DIAPH2: variants seen among roughly 807,000 people sequenced by gnomAD.
DIAPH2 encodes the protein protein diaphanous homolog 2.
Under a neutral mutation model 92.7 loss-of-function variants are expected in DIAPH2, and 35 were observed. That is an observed-to-expected ratio of 0.38 (90% CI 0.29 to 0.50). DIAPH2 has a LOEUF of 0.50. Among genes scored for constraint, DIAPH2 ranks in the 20% least tolerant of loss-of-function variants. The pLI is 0.94. For missense variants in DIAPH2, 701 were observed against 819.5 expected (o/e 0.86, Z 1.77); for synonymous variants, 301 against 280.4 (o/e 1.07, Z -0.73).
At chrX:96,831,951 T>C (rs2064857622) in intron 4 of DIAPH2, among the ~76,000 whole-genome samples, 1 of 111,463 alleles carries the variant, frequency 9.0e-6, no homozygotes, top group Non-Finnish European at 1.9e-5. Flanking sequence ...ACTTATCACA[T>C]TGCATTGGCC....
chrX:96,745,116 C>T (rs1472405844), intron 3 of DIAPH2, among the ~76,000 whole-genome samples: 2 of 108,967 alleles, frequency 1.8e-5, no homozygotes, highest in African/African-American at 3.4e-5. Context: ...AAGCGATTCT[C>T]CTGTCTCAGC....
At chrX:96,871,434 T>C (rs1484487367) in intron 4 of DIAPH2, among the ~76,000 whole-genome samples, 1 of 84,666 alleles carries the variant, frequency 1.2e-5, no homozygotes, top group African/African-American at 5.0e-5. Flanking sequence ...CGCGCCACCG[T>C]ACTCCAGCCT....
Position 97,028,756 on chromosome X carries a change from T to C in DIAPH2, c.2051-44185T>C, listed in dbSNP as rs757890176. Among the ~76,000 whole-genome samples the C allele has an allele frequency of 5.3e-5, 6 of 112,296 alleles. No homozygotes were observed. In the South Asian group the frequency reaches 2.2e-3, roughly 42 times the overall value. On this transcript the variant is annotated intron_variant, in intron 17 of 26. Coordinates refer to ENST00000324765, the MANE Select transcript of DIAPH2 (RefSeq NM_006729.5). The stretch of plus-strand genomic sequence containing the variant: ...TTTTGGCTATTGCAAATAGTGCTGC[T>C]ATTAGTGTTCCTGTACAAGTACTTG...
chrX:97,142,781 G>A (rs2067216964), intron 22 of DIAPH2, among the ~76,000 whole-genome samples: 1 of 111,807 alleles, frequency 8.9e-6, no homozygotes, highest in Non-Finnish European at 1.9e-5. Flanking sequence ...TCTTATACTT[G>A]AAATTACGCT....
chrX:97,282,413 G>A (rs1353814532), intron 23 of DIAPH2, among the ~76,000 whole-genome samples: 2 of 111,598 alleles, frequency 1.8e-5, no homozygotes, highest in Non-Finnish European at 3.8e-5. Flanking sequence ...AGGTTCAAGC[G>A]ATTCTCCTGC....
chrX:96,747,148 GGGGAGAGGGGTGTT>G (rs775828106), intron 3 of DIAPH2, among the ~76,000 whole-genome samples: 9 of 111,090 alleles, frequency 8.1e-5, no homozygotes, highest in Non-Finnish European at 1.7e-4. Context: ...AGTTCTTTTT[GGGGAGAGGGGTGTT>G]GGGAGAGGGG....
chrX:96,690,832 T>G (rs2063794754), intron 1 of DIAPH2, among the ~76,000 whole-genome samples: 1 of 112,349 alleles, frequency 8.9e-6, no homozygotes, highest in Non-Finnish European at 1.9e-5. Context: ...GGCAGCTTAC[T>G]GCCTTTGTAC....
At chrX:96,935,078 G>A (rs2065648413) in intron 10 of DIAPH2, among the ~76,000 whole-genome samples, 1 of 111,398 alleles carries the variant, frequency 9.0e-6, no homozygotes, top group Non-Finnish European at 1.9e-5. Flanking sequence ...AATAATTTTA[G>A]ATCTATACCG....
At chrX:97,563,398 A>C (rs1368944269) in intron 26 of DIAPH2, among the ~76,000 whole-genome samples, 2 of 96,366 alleles carry the variant, frequency 2.1e-5, no homozygotes, top group African/African-American at 7.5e-5. Flanking sequence ...ACTTTTCATC[A>C]TCACTGTGAG....
intron 4 of DIAPH2, among the ~76,000 whole-genome samples, chrX:96,841,790 T>C (rs1602557038): frequency 8.9e-6 from 1 of 112,358 alleles, no homozygotes; most frequent in African/African-American, 3.2e-5. Flanking sequence ...AAACAGACTT[T>C]GTGTGAGCAA....
At chrX:97,255,109 T>C (rs1210708838) in intron 23 of DIAPH2, among the ~76,000 whole-genome samples, 1 of 111,815 alleles carries the variant, frequency 8.9e-6, no homozygotes, top group East Asian at 2.8e-4. Flanking sequence ...AATTCCAATT[T>C]TGGTCTTTCC....
At position 97,417,794 on chromosome X, in the gene DIAPH2, C is replaced by T. The variant is rs759278312; in HGVS notation, c.3146-11856C>T. 2.1e-3 allele frequency among the ~76,000 whole-genome samples: 239 copies of T among 111,269 alleles called. 1 individual carries two copies. The highest frequency in any genetic ancestry group is 7.3e-3 in the African/African-American group (223 of 30,699). On this transcript the variant is annotated intron_variant, in intron 25 of 26. Coordinates refer to ENST00000324765, the MANE Select transcript of DIAPH2 (RefSeq NM_006729.5). ...ACACTCCAAGACCCTGCCCCTCTGCCCCTGCCCCAGTGGATGCCTGGACCC... is the reference window on the plus strand; with the variant it reads ...ACACTCCAAGACCCTGCCCCTCTGCTCCTGCCCCAGTGGATGCCTGGACCC...
At chrX:97,416,613 A>G (rs1052952823) in intron 25 of DIAPH2, among the ~76,000 whole-genome samples, 2 of 111,952 alleles carry the variant, frequency 1.8e-5, no homozygotes, top group African/African-American at 3.2e-5. Context: ...GGACACCAAG[A>G]TACTAAAGTC....
intron 26 of DIAPH2, among the ~76,000 whole-genome samples, chrX:97,532,066 G>A (rs1007074111): frequency 1.8e-5 from 2 of 112,582 alleles, no homozygotes; most frequent in East Asian, 2.8e-4. Context: ...GAGCTTCCAC[G>A]ATGATTAGAT....
chrX:96,715,620 A>G (rs1319409376), intron 1 of DIAPH2, among the ~76,000 whole-genome samples: 1 of 111,511 alleles, frequency 9.0e-6, no homozygotes, highest in Non-Finnish European at 1.9e-5. Context: ...GAAGTGGGGC[A>G]CATGCAAGAT....
chrX:96,848,860 G>T (rs769379432), intron 4 of DIAPH2, among the ~76,000 whole-genome samples: 1 of 112,153 alleles, frequency 8.9e-6, no homozygotes, highest in African/African-American at 3.2e-5. Flanking sequence ...GCACAAGCCT[G>T]TTGGCAGAGA....
chrX:97,313,878 G>T (rs1011390994), intron 23 of DIAPH2, among the ~76,000 whole-genome samples: 2 of 109,820 alleles, frequency 1.8e-5, no homozygotes, highest in African/African-American at 6.6e-5. Flanking sequence ...GACCTCAAGT[G>T]ATCCACCCGC....
intron 1 of DIAPH2, among the ~76,000 whole-genome samples, chrX:96,717,534 A>ATT (rs58337121): frequency 3.3e-3 from 298 of 91,163 alleles, no homozygotes; most frequent in African/African-American, 9.9e-3. Context: ...ATACCAGGTG[A>ATT]TTTTTTTTTT....
intron 23 of DIAPH2, among the ~76,000 whole-genome samples, chrX:97,286,080 G>A (rs1335684620): frequency 2.0e-5 from 2 of 98,806 alleles, no homozygotes; most frequent in South Asian, 5.0e-4. Flanking sequence ...TGGTTCTGTC[G>A]CCCAGGCTGG....
Sources: allele counts gnomAD v4.1 joint callset (sites outside exome capture counted in the v4.1 genomes callset), GRCh38; gene constraint gnomAD v4.1.1; transcripts MANE v1.5; gene names NCBI Gene and HGNC (gene_info 2026-07-23, HGNC 2026-07-21).